ZNF12: variants seen among roughly 807,000 people sequenced by gnomAD.
ZNF12 encodes gonadotropin inducible transcription repressor 3.
In ZNF12, 34 loss-of-function variants were observed where a neutral mutation model predicts 66.6. That is an observed-to-expected ratio of 0.51 (90% confidence interval 0.39 to 0.68). The LOEUF is 0.68. ZNF12 is among the 30% of genes least tolerant of loss of function. ZNF12 has a pLI of 0.00. For missense variants in ZNF12, 697 were observed against 826.9 expected (o/e 0.84, Z 1.93); for synonymous variants, 320 against 278.9 (o/e 1.15, Z -1.47).
At chr7:6,703,368 C>A (rs1780289163) in intron 2 of ZNF12, among the ~76,000 whole-genome samples, 1 of 151,932 alleles carries the variant, frequency 6.6e-6, no homozygotes, top group Non-Finnish European at 1.5e-5. Flanking sequence ...AGTAGAGAGG[C>A]CAAAAAATAA....
rs368482821 is a variant in ZNF12, at chr7:6,696,969, TA to T, written c.238+369del. Among the ~76,000 whole-genome samples, 3,537 of 141,562 alleles carry T rather than the reference TA, an allele frequency of 0.025. 94 individuals are homozygous for T. Among genetic ancestry groups the T allele is most frequent in the African/African-American group, 0.069 (2,673 of 38,654 alleles). 92.9% of individuals were successfully genotyped at this position (141,562 alleles called of 152,430 possible). On this transcript the variant is annotated intron_variant, in intron 4 of 4. Transcript: ENST00000405858. The surrounding 1 kb of genome is among the most constrained non-coding windows in gnomAD (Gnocchi z 4.0). The stretch of plus-strand genomic sequence containing the variant: ...GTCTCAGGCACTGCACGGTAAAGAT[TA>T]AAAAAAAAAAACCAGAAGTTACACG...
At chr7:6,694,518 A>G (rs1369438248) in intron 4 of ZNF12, among the ~76,000 whole-genome samples, 1 of 152,180 alleles carries the variant, frequency 6.6e-6, no homozygotes, top group Non-Finnish European at 1.5e-5. Flanking sequence ...GGTTCCTAAG[A>G]TAAGTCCAAG....
intron 2 of ZNF12, among the ~76,000 whole-genome samples, chr7:6,704,574 A>G (rs1435383301): frequency 7.0e-6 from 1 of 143,646 alleles, no homozygotes; most frequent in Non-Finnish European, 1.5e-5. Context: ...ACTTTAAAAA[A>G]AAAAAAAAAA....
chr7:6,700,628 C>T (rs1338732751), intron 2 of ZNF12, among the ~76,000 whole-genome samples: 2 of 152,178 alleles, frequency 1.3e-5, no homozygotes, highest in Non-Finnish European at 2.9e-5. Context: ...TTAATTTCAG[C>T]TTTTCAACAG....
rs566747123 is a variant in ZNF12 at position 6,695,545 on chromosome 7, C to T, written c.238+1794G>A. ...AGAAGTAACTGCCTGTAAATTATTT[C>T]TGAATGGATGGACAAGAAAGTTCTT... is the stretch of plus-strand genomic sequence containing the variant. On this transcript the variant is annotated intron_variant, in intron 4 of 4. Transcript: ENST00000405858. Among the ~76,000 whole-genome samples the T allele has an allele frequency of 2.0e-5, 3 of 152,286 alleles. No individual in the cohort carries two copies. The South Asian group carries it at 6.2e-4, about 32-fold the overall frequency.
chr7:6,692,520 T>A lies in ZNF12; in HGVS notation c.422A>T (p.Asp141Val), dbSNP rs559681913. 6.2e-7 allele frequency: 1 copy of A among 1,613,604 alleles called. No homozygotes were observed. Among genetic ancestry groups the A allele is most frequent in the Admixed American group, 1.7e-5 (1 of 59,982 alleles). Residue 141 changes from aspartate to valine, a missense_variant, in exon 5 of 5, where the codon GAC becomes GTC. Physicochemically the swap from Asp to Val is radical, Grantham distance 152. Coordinates refer to ENST00000405858, the MANE Select transcript of ZNF12 (RefSeq NM_016265.4). The surrounding 1 kb of genome is among the most constrained non-coding windows in gnomAD (Gnocchi z 5.1). ...AGACGTTAAACACTTTTCACATGAG[T>A]CACAGAGGCTATTTTTATAGGCTAT... The part of the protein sequence containing the change: ...RKIAYKNSLC[D>V]SCEKCLTSVS...
chr7:6,697,649 T>C lies in ZNF12; in HGVS notation c.142+36A>G, dbSNP rs756951547. On this transcript the variant is annotated intron_variant, in intron 3 of 4. Coordinates refer to ENST00000405858, the MANE Select transcript of ZNF12 (RefSeq NM_016265.4). This position sits in a 1 kb window ranked among gnomAD's most constrained non-coding sequence, Gnocchi z 6.1. Reference sequence around the variant, plus strand: ...GTCATAAAATTTGTGAGAAATCCCATATATTTTAGCAACTGAGAAAGCAAG... The same window carrying C: ...GTCATAAAATTTGTGAGAAATCCCACATATTTTAGCAACTGAGAAAGCAAG... The C allele has an allele frequency of 1.2e-6, 2 of 1,612,130 alleles. No individual in the cohort carries two copies. The highest frequency in any genetic ancestry group is 2.2e-5 in the East Asian group (1 of 44,870).
At position 6,696,549 on chromosome 7, in the gene ZNF12, C is replaced by A. The variant is rs1422255920; in HGVS notation, c.238+790G>T. 6.6e-6 allele frequency among the ~76,000 whole-genome samples: 1 copy of A among 152,156 alleles called. No individual in the cohort carries two copies. Among genetic ancestry groups the A allele is most frequent in the African/African-American group, 2.4e-5 (1 of 41,428 alleles). On this transcript the variant is annotated intron_variant, in intron 4 of 4. Coordinates refer to ENST00000405858, the MANE Select transcript of ZNF12 (RefSeq NM_016265.4). This position sits in a 1 kb window ranked among gnomAD's most constrained non-coding sequence, Gnocchi z 4.0. ...AAGCCTAAAGACTTGGCACTGGAGGCACCCTTTGAGAAACTCATAATGCGA... is the reference window on the plus strand; with the variant it reads ...AAGCCTAAAGACTTGGCACTGGAGGAACCCTTTGAGAAACTCATAATGCGA...
At chr7:6,693,114 T>C (rs891757733) in intron 4 of ZNF12, among the ~76,000 whole-genome samples, 7 of 152,206 alleles carry the variant, frequency 4.6e-5, no homozygotes, top group African/African-American at 1.7e-4. Flanking sequence ...ATGTATTCAA[T>C]TAGGGATTCA....
At position 6,706,791 on chromosome 7, in the gene ZNF12, G is replaced by T. The variant is rs1257974085; in HGVS notation, c.-410C>A. 3.9e-6 allele frequency: 1 copy of T among 257,750 alleles called. No individual in the cohort carries two copies. The highest frequency in any genetic ancestry group is 7.6e-6 in the Non-Finnish European group (1 of 131,344). 16.0% of individuals were successfully genotyped at this position (257,750 alleles called of 1,614,324 possible). A position where few individuals can be genotyped will look rare whatever the true frequency, so the allele number is the denominator to read the frequency against. On this transcript the variant is annotated 5_prime_UTR_variant, in exon 1 of 5. Coordinates refer to ENST00000405858, the MANE Select transcript of ZNF12 (RefSeq NM_016265.4). ...GTCGTGCTCGGGGATCCCCGCTTGA[G>T]CCTCCGCCTGGCCCGCACAGCCCCG...
In ZNF12 at chr7:6,698,774, G is replaced by A. The variant is rs973569235; in HGVS notation, c.16-963C>T. ...GGAACAGACAGCTGACCTGGAAACTGTCAAAACCACATCTATAAATGTGTA... is the reference window on the plus strand; with the variant it reads ...GGAACAGACAGCTGACCTGGAAACTATCAAAACCACATCTATAAATGTGTA... On this transcript the variant is annotated intron_variant, in intron 2 of 4. Coordinates refer to ENST00000405858, the MANE Select transcript of ZNF12 (RefSeq NM_016265.4). This position sits in a 1 kb window ranked among gnomAD's most constrained non-coding sequence, Gnocchi z 4.4. Among the ~76,000 whole-genome samples, 1 of 152,178 alleles carries A rather than the reference G, an allele frequency of 6.6e-6. No individual in the cohort carries two copies. Among genetic ancestry groups the A allele is most frequent in the African/African-American group, 2.4e-5 (1 of 41,440 alleles).
chr7:6,691,041 T>C lies in ZNF12; in HGVS notation c.1901A>G (p.Glu634Gly). ...GAAGGCTTTTCCACACTCATTACAT[T>C]CAAAGGGTTTCTCTCCTGAATGAAT... is the stretch of plus-strand genomic sequence containing the variant. ...HRIHSGEKPF[E>G]CNECGKAFSR... The change falls in exon 5 of 5, where the codon GAA becomes GGA. Residue 634 changes from glutamate to glycine, a missense_variant. Transcript: ENST00000405858. 6.2e-7 allele frequency: 1 copy of C among 1,614,136 alleles called. No homozygotes were observed. Among genetic ancestry groups the C allele is most frequent in the Middle Eastern group, 1.6e-4 (1 of 6,062 alleles).
chr7:6,703,259 G>A (rs111282219), intron 2 of ZNF12, among the ~76,000 whole-genome samples: 1 of 152,198 alleles, frequency 6.6e-6, no homozygotes. Flanking sequence ...GGGGAAGCAC[G>A]ATATGATGAA....
At chr7:6,706,141 G>A (rs1372502190) in intron 1 of ZNF12, among the ~76,000 whole-genome samples, 1 of 152,164 alleles carries the variant, frequency 6.6e-6, no homozygotes, top group South Asian at 2.1e-4. Flanking sequence ...GCACTTAAAT[G>A]AGAGAACAGA....
chr7:6,703,070 A>G lies in ZNF12; in HGVS notation c.15+2089T>C, dbSNP rs937845801. Among the ~76,000 whole-genome samples, 8 of 149,514 alleles carry G rather than the reference A, an allele frequency of 5.4e-5. No homozygotes were observed. In the East Asian group the frequency reaches 1.2e-3, roughly 22 times the overall value. On this transcript the variant is annotated intron_variant, in intron 2 of 4. Coordinates refer to ENST00000405858, the MANE Select transcript of ZNF12 (RefSeq NM_016265.4). Reference sequence around the variant, plus strand: ...CACACACACACACACACACACCCCTACCTGCCTTCCTGATGCTGCCACTCA... The same window carrying G: ...CACACACACACACACACACACCCCTGCCTGCCTTCCTGATGCTGCCACTCA...
In ZNF12 at chr7:6,705,727, C is replaced by CA. The variant is rs1554295240; in HGVS notation, c.-50-505dup. Reference sequence around the variant, plus strand: ...AAGCGAAACTTGTCTCAAAAACAAACAAACAAACAAACAAAAAACAAACAA... The same window carrying CA: ...AAGCGAAACTTGTCTCAAAAACAAACAAAACAAACAAACAAAAAACAAACAA... On this transcript the variant is annotated intron_variant, in intron 1 of 4. Coordinates refer to ENST00000405858, the MANE Select transcript of ZNF12 (RefSeq NM_016265.4). This position sits in a 1 kb window ranked among gnomAD's most constrained non-coding sequence, Gnocchi z 4.0. Among the ~76,000 whole-genome samples, 1 of 149,126 alleles carries CA rather than the reference C, an allele frequency of 6.7e-6. No homozygotes were observed. Among genetic ancestry groups the CA allele is most frequent in the Non-Finnish European group, 1.5e-5 (1 of 67,260 alleles).
At position 6,692,754 on chromosome 7, in the gene ZNF12, T is replaced by C; in HGVS notation, c.239-51A>G. The stretch of plus-strand genomic sequence containing the variant: ...TTTTGTACATCTTCCTATATATATA[T>C]GATATGGAATGAGATTCATGATTTG... On this transcript the variant is annotated intron_variant, in intron 4 of 4. Coordinates refer to ENST00000405858, the MANE Select transcript of ZNF12 (RefSeq NM_016265.4). This position sits in a 1 kb window ranked among gnomAD's most constrained non-coding sequence, Gnocchi z 5.1. 1 of 1,475,622 alleles carries C rather than the reference T, an allele frequency of 6.8e-7. No homozygotes were observed. Among genetic ancestry groups the C allele is most frequent in the East Asian group, 2.3e-5 (1 of 43,640 alleles). 91.4% of individuals were successfully genotyped at this position (1,475,622 alleles called of 1,614,324 possible). A position where few individuals can be genotyped will look rare whatever the true frequency, so the allele number is the denominator to read the frequency against.
chr7:6,692,846 T>A lies in ZNF12; in HGVS notation c.239-143A>T. ...CAGATGAAAATAATTCCAAGTGTAC[T>A]CTTCTCCTTTATGCTTTTGCTTAAA... On this transcript the variant is annotated intron_variant, in intron 4 of 4. Transcript: ENST00000405858. The surrounding 1 kb of genome is among the most constrained non-coding windows in gnomAD (Gnocchi z 5.1). 1 of 765,344 alleles carries A rather than the reference T, an allele frequency of 1.3e-6. No individual in the cohort carries two copies. The highest frequency in any genetic ancestry group is 2.0e-6 in the Non-Finnish European group (1 of 510,250). The allele number at this position is 765,344 out of a possible 1,614,324, so 47.4% of individuals were successfully genotyped here.
chr7:6,694,033 G>C (rs1330923191), intron 4 of ZNF12, among the ~76,000 whole-genome samples: 1 of 152,018 alleles, frequency 6.6e-6, no homozygotes, highest in Non-Finnish European at 1.5e-5. Flanking sequence ...CGGGCGTGGT[G>C]GTGGGCACCT....
Sources: allele counts gnomAD v4.1 joint callset (sites outside exome capture counted in the v4.1 genomes callset), GRCh38; gene constraint gnomAD v4.1.1; non-coding constraint Gnocchi (gnomAD v3.1); transcripts MANE v1.5; gene names NCBI Gene and HGNC (gene_info 2026-07-23, HGNC 2026-07-21).